Variants in RCOR1 observed in about 807,000 individuals in gnomAD.
The protein encoded by RCOR1 is REST corepressor 1.
A neutral mutation model predicts 64.0 loss-of-function variants in RCOR1; 12 were observed. The observed-to-expected ratio is 0.19, with a 90% CI of 0.12 to 0.30. The LOEUF (loss-of-function observed/expected upper bound fraction) is 0.30. RCOR1 is among the 10% of genes least tolerant of loss of function. The probability of loss-of-function intolerance (pLI) is 1.00; values close to 1 mark genes in which losing one functional copy is unlikely to be tolerated. For missense variants in RCOR1, 502 were observed against 621.2 expected, an observed-to-expected ratio of 0.81 and a Z score of 2.04; for synonymous variants, 279 against 227.2, an observed-to-expected ratio of 1.23 and a Z score of -2.05.
chr14:102,661,250 A>G (rs897622320), intron 2 of RCOR1, among the ~76,000 whole-genome samples: 2 of 152,174 alleles, frequency 1.3e-5, no homozygotes, highest in African/African-American at 4.8e-5. Flanking sequence ...TGGGAGTCCA[A>G]GGTGGGAGGA....
chr14:102,657,473 G>A, intron 2 of RCOR1: 1 of 984,014 alleles, frequency 1.0e-6, no homozygotes, highest in South Asian at 4.7e-5. Flanking sequence ...CATCCTTTTT[G>A]ATATTAGAGA....
At chr14:102,686,576 T>G (rs1469177826) in intron 3 of RCOR1, among the ~76,000 whole-genome samples, 1 of 152,250 alleles carries the variant, frequency 6.6e-6, no homozygotes, top group East Asian at 1.9e-4. Flanking sequence ...TTAAGAAACC[T>G]CTGTGCTCCA....
chr14:102,696,744 T>G (rs1411004373), intron 3 of RCOR1, among the ~76,000 whole-genome samples: 1 of 152,092 alleles, frequency 6.6e-6, no homozygotes, highest in African/African-American at 2.4e-5. Flanking sequence ...GTAGCTTGTA[T>G]TTCTCCTGCT....
chr14:102,669,749 T>C (rs979932854), intron 2 of RCOR1, among the ~76,000 whole-genome samples: 5 of 152,240 alleles, frequency 3.3e-5, no homozygotes, highest in Admixed American at 6.5e-5. Context: ...TAAGCATTTA[T>C]AACTGTTACA....
At chr14:102,717,972 TG>T (rs965347148) in intron 8 of RCOR1, among the ~76,000 whole-genome samples, 2 of 152,142 alleles carry the variant, frequency 1.3e-5, no homozygotes, top group African/African-American at 4.8e-5. Flanking sequence ...TCAGTCCACT[TG>T]GGCCACTTGT....
At chr14:102,721,993 T>TG (rs1896177771) in intron 10 of RCOR1, among the ~76,000 whole-genome samples, 194 bp from the exon 11 acceptor site, 1 of 152,202 alleles carries the variant, frequency 6.6e-6, no homozygotes, top group Admixed American at 6.5e-5. Flanking sequence ...GATATCAAAA[T>TG]GACAGGGTCG....
chr14:102,633,556 T>C (rs989722975), intron 2 of RCOR1, among the ~76,000 whole-genome samples: 1 of 152,054 alleles, frequency 6.6e-6, no homozygotes, highest in Admixed American at 6.6e-5. Flanking sequence ...TCTTTTCTCT[T>C]TGAGACGGAG....
chr14:102,698,533 C>G (rs1895690347), intron 3 of RCOR1, among the ~76,000 whole-genome samples: 1 of 152,186 alleles, frequency 6.6e-6, no homozygotes, highest in African/African-American at 2.4e-5. Flanking sequence ...ATTTGTTGTT[C>G]ATTCACCAAG....
intron 2 of RCOR1, among the ~76,000 whole-genome samples, chr14:102,665,918 T>C (rs1291300902): frequency 6.6e-6 from 1 of 152,232 alleles, no homozygotes; most frequent in Non-Finnish European, 1.5e-5. Flanking sequence ...TAGTTACTGC[T>C]GGTAGTTGAG....
rs367762811 is a variant in RCOR1, at chr14:102,701,265, T to G, written c.446-13T>G. 1.2e-5 allele frequency: 20 copies of G among 1,610,618 alleles called. No homozygotes were observed. In the African/African-American group the frequency reaches 2.1e-4, roughly 17 times the overall value. On this transcript the variant is annotated splice_polypyrimidine_tract_variant and intron_variant, in intron 3 of 11. Transcript: ENST00000262241. ...CCTCAGTTTGTTTAATGGCATCTCT[T>G]CTTGTTTTTCAGTGGATGAATACAT...
chr14:102,646,764 C>A (rs1043957459), intron 2 of RCOR1, among the ~76,000 whole-genome samples: 3 of 152,188 alleles, frequency 2.0e-5, no homozygotes, highest in African/African-American at 7.2e-5. Context: ...TGCCCTTAGG[C>A]TTAGAAGATG....
intron 8 of RCOR1, among the ~76,000 whole-genome samples, chr14:102,720,013 A>G (rs1896145329): frequency 6.6e-6 from 1 of 152,222 alleles, no homozygotes; most frequent in Non-Finnish European, 1.5e-5. Flanking sequence ...AATGTCTAGC[A>G]TGGCAGCCAG....
chr14:102,597,051 T>C (rs1357484060), intron 2 of RCOR1, among the ~76,000 whole-genome samples: 6 of 151,526 alleles, frequency 4.0e-5, no homozygotes, highest in Non-Finnish European at 8.8e-5. Flanking sequence ...TTTTGTGTTT[T>C]TAGTAGAGAC....
chr14:102,632,309 T>C (rs1260014224), intron 2 of RCOR1, among the ~76,000 whole-genome samples: 1 of 150,480 alleles, frequency 6.6e-6, no homozygotes, highest in Non-Finnish European at 1.5e-5. Flanking sequence ...TTGCGCATCC[T>C]GGGTTCACGC....
chr14:102,602,287 C>T (rs1893417616), intron 2 of RCOR1, among the ~76,000 whole-genome samples: 1 of 151,708 alleles, frequency 6.6e-6, no homozygotes, highest in African/African-American at 2.4e-5. Flanking sequence ...AGGTAAACAA[C>T]TTTGTTTTCA....
At chr14:102,666,918 G>A (rs1238950390) in intron 2 of RCOR1, among the ~76,000 whole-genome samples, 4 of 152,044 alleles carry the variant, frequency 2.6e-5, no homozygotes. Context: ...CTCCTGCTCC[G>A]CCCCTTTCCA....
At chr14:102,659,026 A>T in intron 2 of RCOR1, 2 of 695,370 alleles carry the variant, frequency 2.9e-6, no homozygotes, top group Non-Finnish European at 3.5e-6. Context: ...GGGGAGATTT[A>T]AGCTCCATCT....
intron 3 of RCOR1, among the ~76,000 whole-genome samples, chr14:102,697,596 AACTT>A (rs767656551): frequency 1.6e-4 from 25 of 152,332 alleles, no homozygotes; most frequent in Non-Finnish European, 2.5e-4. Context: ...CTGGTACATT[AACTT>A]ACTTCATCAC....
intron 2 of RCOR1, among the ~76,000 whole-genome samples, chr14:102,680,268 T>C (rs1895277610): frequency 1.3e-5 from 2 of 152,342 alleles, no homozygotes; most frequent in South Asian, 4.1e-4. Context: ...TCTGGTACCA[T>C]TTTGTAGATT....
Sources: allele counts gnomAD v4.1 joint callset (sites outside exome capture counted in the v4.1 genomes callset), GRCh38; gene constraint gnomAD v4.1.1; transcripts MANE v1.5; gene names NCBI Gene and HGNC (gene_info 2026-07-23, HGNC 2026-07-21).